Variants in CPNE4 observed in about 807,000 individuals in gnomAD.
The protein encoded by CPNE4 is copine 4, also known as copine-4.
CPNE4 carries 25 observed loss-of-function variants against 67.9 expected under a neutral mutation model. That is an observed-to-expected ratio of 0.37 (90% CI 0.27 to 0.51). The LOEUF is 0.51. Ranked by LOEUF, CPNE4 falls within the 20% of genes least tolerant of loss-of-function variation. The probability of loss-of-function intolerance (pLI) is 0.93; values close to 1 mark genes in which losing one functional copy is unlikely to be tolerated. For synonymous variants in CPNE4, 242 were observed against 244.9 expected (o/e 0.99, Z 0.11); for missense variants, 464 against 690.8 (o/e 0.67, Z 3.68).
At chr3:132,025,720 A>C (rs1317803923) in intron 1 of CPNE4, among the ~76,000 whole-genome samples, 1 of 152,226 alleles carries the variant, frequency 6.6e-6, no homozygotes, top group Non-Finnish European at 1.5e-5. Flanking sequence ...CAGCCATCCT[A>C]TAACATAGAC....
intron 1 of CPNE4, among the ~76,000 whole-genome samples, chr3:132,021,183 T>G (rs1289236000): frequency 6.6e-6 from 1 of 152,214 alleles, no homozygotes; most frequent in African/African-American, 2.4e-5. Flanking sequence ...AGAATGGTCA[T>G]GCAAGAAGGA....
intron 1 of CPNE4, among the ~76,000 whole-genome samples, chr3:131,910,929 T>C: frequency 6.6e-6 from 1 of 152,068 alleles, no homozygotes; most frequent in Admixed American, 6.6e-5. Context: ...CTGTTTTCTG[T>C]CTGGAAAAGA....
intron 9 of CPNE4, among the ~76,000 whole-genome samples, chr3:131,576,160 C>CA: frequency 6.6e-6 from 1 of 152,066 alleles, no homozygotes; most frequent in African/African-American, 2.4e-5. Flanking sequence ...TAGAGAGACC[C>CA]AAAAAATCAG....
At chr3:131,581,005 C>A (rs1347358913) in intron 9 of CPNE4, among the ~76,000 whole-genome samples, 1 of 152,088 alleles carries the variant, frequency 6.6e-6, no homozygotes, top group Non-Finnish European at 1.5e-5. Flanking sequence ...AACCCCATCT[C>A]TACTAAAAAT....
intron 1 of CPNE4, among the ~76,000 whole-genome samples, chr3:132,030,242 G>A (rs2074208527): frequency 1.3e-5 from 2 of 152,288 alleles, no homozygotes; most frequent in South Asian, 4.1e-4. Context: ...GTAATCAGAA[G>A]GGTTGTTGAA....
At chr3:131,980,826 T>C (rs1385322118) in intron 1 of CPNE4, among the ~76,000 whole-genome samples, 2 of 152,272 alleles carry the variant, frequency 1.3e-5, no homozygotes, top group East Asian at 3.9e-4. Context: ...GTAGGCTCTG[T>C]CAGAGGGAAG....
chr3:131,952,617 T>TGG (rs1201048536), intron 1 of CPNE4, among the ~76,000 whole-genome samples: 3 of 110,208 alleles, frequency 2.7e-5, no homozygotes, highest in African/African-American at 1.2e-4. Context: ...CGGAGGGAGG[T>TGG]GGGGGGGTCA....
At chr3:131,778,279 G>T (rs2083341135) in intron 2 of CPNE4, among the ~76,000 whole-genome samples, 1 of 152,000 alleles carries the variant, frequency 6.6e-6, no homozygotes, top group Admixed American at 6.6e-5. Context: ...CCACTCCATG[G>T]GTACCACTGC....
intron 1 of CPNE4, among the ~76,000 whole-genome samples, chr3:131,944,803 C>T (rs2071502813): frequency 2.0e-5 from 3 of 151,950 alleles, no homozygotes; most frequent in Admixed American, 2.0e-4. Flanking sequence ...GCTTCAAATG[C>T]CAATATGCAT....
chr3:131,777,831 G>A lies in CPNE4; in HGVS notation c.181-54206C>T, dbSNP rs373033796. On this transcript the variant is annotated intron_variant, in intron 2 of 15. Transcript: ENST00000429747. ...CACCTATTCTTGGATGTGGCTGAAA[G>A]GAACCACATGGAGATCTCTTGAGCA... 4.6e-5 allele frequency among the ~76,000 whole-genome samples: 7 copies of A among 152,176 alleles called. No homozygotes were observed. The East Asian group carries it at 1.4e-3, about 29-fold the overall frequency.
chr3:131,561,567 T>C (rs1464827647), intron 11 of CPNE4, among the ~76,000 whole-genome samples: 1 of 151,942 alleles, frequency 6.6e-6, no homozygotes, highest in Non-Finnish European at 1.5e-5. Context: ...CTGTTCTACC[T>C]CATGGATCAC....
At chr3:131,829,742 G>A (rs1031053249) in intron 2 of CPNE4, among the ~76,000 whole-genome samples, 2 of 152,202 alleles carry the variant, frequency 1.3e-5, no homozygotes, top group Admixed American at 1.3e-4. Context: ...CTTCACAAGA[G>A]GATGGGGAAA....
chr3:131,907,039 G>T (rs2088799500), intron 1 of CPNE4, among the ~76,000 whole-genome samples: 2 of 152,016 alleles, frequency 1.3e-5, no homozygotes, highest in African/African-American at 4.8e-5. Context: ...ATCAAAAAGG[G>T]GGGGAAGGAC....
At chr3:131,606,467 C>T (rs1354560555) in intron 7 of CPNE4, among the ~76,000 whole-genome samples, 1 of 152,078 alleles carries the variant, frequency 6.6e-6, no homozygotes, top group Non-Finnish European at 1.5e-5. Flanking sequence ...GACTGACCAC[C>T]CTCAGATAAT....
intron 7 of CPNE4, among the ~76,000 whole-genome samples, chr3:131,613,910 A>C (rs1409871017): frequency 1.3e-5 from 2 of 152,126 alleles, no homozygotes; most frequent in Admixed American, 6.6e-5. Flanking sequence ...CATTCCAACC[A>C]AAAAAAGGGG....
chr3:131,578,337 A>C (rs1937602969), intron 9 of CPNE4, among the ~76,000 whole-genome samples: 1 of 152,098 alleles, frequency 6.6e-6, no homozygotes, highest in South Asian at 2.1e-4. Flanking sequence ...TGGTGAACTT[A>C]ATTGATAAGT....
At chr3:131,840,369 G>C (rs929489746) in intron 2 of CPNE4, among the ~76,000 whole-genome samples, 1 of 152,116 alleles carries the variant, frequency 6.6e-6, no homozygotes, top group Non-Finnish European at 1.5e-5. Flanking sequence ...CAAATATGTT[G>C]GCTAAATGCC....
intron 2 of CPNE4, among the ~76,000 whole-genome samples, chr3:131,897,438 G>A (rs67749883): frequency 0.072 from 10,909 of 152,148 alleles, 404 homozygotes; most frequent in East Asian, 0.1. Flanking sequence ...CTGAGAGGAA[G>A]ACAGTGAAGG....
rs540652165 is a variant in CPNE4 at position 131,679,690 on chromosome 3, A to C, written c.591+6185T>G. On this transcript the variant is annotated intron_variant, in intron 6 of 15. Coordinates refer to ENST00000429747, the MANE Select transcript of CPNE4 (RefSeq NM_130808.3). The stretch of plus-strand genomic sequence containing the variant: ...CTGCCTTAATTTCATTATTTACCCC[A>C]AAATCATTCAGGAACAGGTTATTCA... 3.9e-5 allele frequency among the ~76,000 whole-genome samples: 6 copies of C among 152,254 alleles called. No individual in the cohort carries two copies. In the East Asian group the frequency reaches 1.2e-3, roughly 29 times the overall value.
Sources: gnomAD v4.1 joint callset for allele counts (sites outside exome capture counted in the v4.1 genomes callset) on GRCh38, gnomAD v4.1.1 for gene constraint, MANE v1.5 for transcripts, NCBI Gene and HGNC (gene_info 2026-07-23, HGNC 2026-07-21) for gene names.